GPR158: variants seen among roughly 807,000 people sequenced by gnomAD.
The protein encoded by GPR158 is G protein-coupled receptor 158, also known as metabotropic glycine receptor.
A neutral mutation model predicts 78.2 loss-of-function variants in GPR158; 30 were observed. That is an observed-to-expected ratio of 0.38 (90% confidence interval 0.29 to 0.52). GPR158 has a LOEUF of 0.52. Ranked by LOEUF, GPR158 falls within the 20% of genes least tolerant of loss-of-function variation. GPR158 has a pLI of 0.83. For missense variants in GPR158, 1,463 were observed against 1,523.5 expected (o/e 0.96, Z 0.66); for synonymous variants, 581 against 591.1 (o/e 0.98, Z 0.25).
At chr10:25,313,695 T>C (rs1055734587) in intron 2 of GPR158, among the ~76,000 whole-genome samples, 10 of 152,214 alleles carry the variant, frequency 6.6e-5, no homozygotes, top group Admixed American at 1.3e-4. Flanking sequence ...TATTTGGTCA[T>C]GATGTATACA....
intron 2 of GPR158, among the ~76,000 whole-genome samples, chr10:25,283,379 CTCTT>C (rs1238650432): frequency 6.6e-6 from 1 of 151,956 alleles, no homozygotes; most frequent in African/African-American, 2.4e-5. Flanking sequence ...CATGTCTTCT[CTCTT>C]TTAGTCACAC....
At chr10:25,439,582 A>G (rs1835041337) in intron 4 of GPR158, among the ~76,000 whole-genome samples, 2 of 152,068 alleles carry the variant, frequency 1.3e-5, no homozygotes, top group African/African-American at 4.8e-5. Context: ...TATATAGTGT[A>G]TGTCCTCTAT....
intron 4 of GPR158, among the ~76,000 whole-genome samples, chr10:25,461,055 T>G (rs1193109844): frequency 6.6e-6 from 1 of 152,158 alleles, no homozygotes; most frequent in African/African-American, 2.4e-5. Context: ...AACTAGCAAT[T>G]CCTCCATCTT....
In GPR158 at chr10:25,584,450, C is replaced by T. The variant is rs10508701; in HGVS notation, c.1754-4557C>T. Among the ~76,000 whole-genome samples the T allele has an allele frequency of 4.5e-3, 680 of 152,172 alleles. 23 individuals are homozygous for T. In the East Asian group the frequency reaches 0.062, roughly 14 times the overall value. On this transcript the variant is annotated intron_variant, in intron 7 of 10. Transcript: ENST00000376351. ...TAATGAAATGATTTTAATGTTCAAC[C>T]GAGCTGTTATGAGAAATCTTATTTT...
intron 2 of GPR158, among the ~76,000 whole-genome samples, chr10:25,247,584 C>T (rs569483885): frequency 0.011 from 1,376 of 126,186 alleles, 8 homozygotes; most frequent in African/African-American, 0.016. Flanking sequence ...TTTGTTCTTG[C>T]GATAGTTTAC....
chr10:25,351,430 G>GT (rs1855468925), intron 2 of GPR158, among the ~76,000 whole-genome samples: 2 of 148,536 alleles, frequency 1.3e-5, no homozygotes, highest in East Asian at 2.1e-4. Context: ...GGAGTTGGGG[G>GT]TGGGGGGGTG....
intron 2 of GPR158, among the ~76,000 whole-genome samples, chr10:25,367,507 A>C (rs2130543233): frequency 6.6e-6 from 1 of 151,918 alleles, no homozygotes; most frequent in African/African-American, 2.4e-5. Flanking sequence ...TTCTATACAA[A>C]ATTTGGGCTT....
chr10:25,233,324 T>C (rs1418247715), intron 2 of GPR158, among the ~76,000 whole-genome samples: 2 of 152,242 alleles, frequency 1.3e-5, no homozygotes, highest in African/African-American at 4.8e-5. Context: ...ATTATTTCCA[T>C]AGATTTTATT....
intron 2 of GPR158, among the ~76,000 whole-genome samples, chr10:25,394,451 A>G (rs1229377833): frequency 1.3e-5 from 2 of 152,244 alleles, no homozygotes; most frequent in Non-Finnish European, 2.9e-5. Flanking sequence ...GTTTAGAAAT[A>G]TGATTTGACC....
At chr10:25,428,773 G>C (rs1834857006) in intron 4 of GPR158, among the ~76,000 whole-genome samples, 1 of 151,906 alleles carries the variant, frequency 6.6e-6, no homozygotes, top group African/African-American at 2.4e-5. Context: ...TAAAATTTAT[G>C]TCATTTACAA....
intron 1 of GPR158, among the ~76,000 whole-genome samples, chr10:25,192,984 C>T (rs1345639294): frequency 6.6e-6 from 1 of 152,124 alleles, no homozygotes; most frequent in Non-Finnish European, 1.5e-5. Context: ...TAGGTTAAAG[C>T]AATGATGTTT....
At chr10:25,588,041 T>G (rs572007028) in intron 7 of GPR158, among the ~76,000 whole-genome samples, 1 of 152,284 alleles carries the variant, frequency 6.6e-6, no homozygotes, top group South Asian at 2.1e-4. Context: ...TTGTATAGAT[T>G]ATCACTCAAA....
Position 25,572,763 on chromosome 10 carries a change from C to G in GPR158, c.1629C>G (p.Gly543=). Residue 543 remains glycine, a synonymous_variant, in exon 7 of 11, where the codon GGC becomes GGG. Transcript: ENST00000376351. The stretch of plus-strand genomic sequence containing the variant: ...TGGTAGTGTTTTGGTTTCTCATTGG[C>G]TGGACTTCATCTGTGTGCCAGAATT... The part of the protein sequence containing the change: ...ILLVVFWFLI[G]WTSSVCQNLE... 6.2e-7 allele frequency: 1 copy of G among 1,613,298 alleles called. No individual in the cohort carries two copies. Among genetic ancestry groups the G allele is most frequent in the Non-Finnish European group, 8.5e-7 (1 of 1,179,326 alleles).
intron 2 of GPR158, among the ~76,000 whole-genome samples, chr10:25,259,897 T>C (rs1853945224): frequency 6.6e-6 from 1 of 152,146 alleles, no homozygotes; most frequent in Non-Finnish European, 1.5e-5. Context: ...CTGATGTGTA[T>C]AATTTTGATC....
intron 4 of GPR158, among the ~76,000 whole-genome samples, chr10:25,443,576 T>G (rs1433389322): frequency 1.3e-5 from 2 of 150,140 alleles, no homozygotes; most frequent in African/African-American, 4.9e-5. Context: ...AAAAAAAATT[T>G]TTTTTTTTTT....
intron 2 of GPR158, among the ~76,000 whole-genome samples, chr10:25,317,465 T>C (rs1854870493): frequency 6.6e-6 from 1 of 151,948 alleles, no homozygotes; most frequent in African/African-American, 2.4e-5. Context: ...GATATGATGT[T>C]TATTTTTTTC....
chr10:25,236,895 G>A (rs866182734), intron 2 of GPR158, among the ~76,000 whole-genome samples: 1 of 152,040 alleles, frequency 6.6e-6, no homozygotes, highest in Non-Finnish European at 1.5e-5. Flanking sequence ...GTGTATGCAT[G>A]AGTATTCATA....
chr10:25,303,754 A>G (rs931894211), intron 2 of GPR158, among the ~76,000 whole-genome samples: 1 of 152,224 alleles, frequency 6.6e-6, no homozygotes, highest in African/African-American at 2.4e-5. Flanking sequence ...TTATTAACCT[A>G]GAGACATGGA....
chr10:25,347,435 A>G (rs938529813), intron 2 of GPR158, among the ~76,000 whole-genome samples: 1 of 152,000 alleles, frequency 6.6e-6, no homozygotes, highest in Non-Finnish European at 1.5e-5. Context: ...GTTTTTTACC[A>G]TGTAAGGCAG....
Sources: allele counts gnomAD v4.1 joint callset (sites outside exome capture counted in the v4.1 genomes callset), GRCh38; gene constraint gnomAD v4.1.1; transcripts MANE v1.5; gene names NCBI Gene and HGNC (gene_info 2026-07-23, HGNC 2026-07-21).